The following PRCC variants were observed in gnomAD, a reference collection of about 807,000 sequenced individuals.
The protein encoded by PRCC is proline rich mitotic checkpoint control factor.
PRCC carries 10 observed loss-of-function variants against 44.0 expected under a neutral mutation model. The ratio of observed to expected loss-of-function variants is 0.23; its 90% CI spans 0.14 to 0.39. PRCC has a LOEUF of 0.39. Among genes scored for constraint, PRCC ranks in the 10% least tolerant of loss-of-function variants. The pLI, the probability that PRCC is intolerant of heterozygous loss-of-function variation, is 1.00. For synonymous variants in PRCC, 278 were observed against 259.5 expected, an observed-to-expected ratio of 1.07 and a Z score of -0.69; for missense variants, 573 against 624.7, an observed-to-expected ratio of 0.92 and a Z score of 0.88.
intron 1 of PRCC, among the ~76,000 whole-genome samples, chr1:156,768,711 CTATT>C (rs1330153413): frequency 3.3e-5 from 5 of 152,140 alleles, no homozygotes; most frequent in Non-Finnish European, 7.4e-5. Flanking sequence ...ATCTTGGTTT[CTATT>C]TTTGAGGGGA....
rs1652249425 is a variant in PRCC, at chr1:156,786,522, C to G, written c.517-86C>G. The G allele has an allele frequency of 1.0e-5, 14 of 1,365,312 alleles. No individual in the cohort carries two copies. In the East Asian group the frequency reaches 3.2e-4, roughly 32 times the overall value. The allele number at this position is 1,365,312 out of a possible 1,614,324, so 84.6% of individuals were successfully genotyped here. A position where few individuals can be genotyped will look rare whatever the true frequency, so the allele number is the denominator to read the frequency against. On this transcript the variant is annotated intron_variant, in intron 2 of 6. Coordinates refer to ENST00000271526, the MANE Select transcript of PRCC (RefSeq NM_005973.5). ...TAAGATTTTAGGCTAGAGAACTTAT[C>G]TGTAACTGTTGTTTTTGGTGTTGCT...
In PRCC at chr1:156,782,333, A is replaced by G. The variant is rs1049510645; in HGVS notation, c.516+4A>G. The stretch of plus-strand genomic sequence containing the variant: ...AAAGAAGAAAACTATCCTTCAGGTA[A>G]GCATTGTGATATAAACCATTTTTTT... On this transcript the variant is annotated splice_donor_region_variant and intron_variant, in intron 2 of 6. Transcript: ENST00000271526. 1.2e-6 allele frequency: 2 copies of G among 1,603,260 alleles called. No homozygotes were observed. The highest frequency in any genetic ancestry group is 2.7e-5 in the African/African-American group (2 of 74,886).
chr1:156,797,073 T>C (rs1360468245), intron 5 of PRCC: 1 of 563,316 alleles, frequency 1.8e-6, no homozygotes, highest in East Asian at 3.1e-5. Flanking sequence ...CAGGCAAGTG[T>C]TCTGAGCTGG....
chr1:156,791,749 C>G lies in PRCC; in HGVS notation c.1136C>G (p.Pro379Arg), dbSNP rs146298751. The G allele has an allele frequency of 5.2e-5, 84 of 1,613,850 alleles. No homozygotes were observed. Among genetic ancestry groups the G allele is most frequent in the Admixed American group, 8.3e-5 (5 of 59,960 alleles). Residue 379 changes from proline (P) to arginine (R), a missense_variant, in exon 4 of 7, where the codon CCC (proline) becomes CGC (arginine). Around this residue, in one of 4 missense-constraint regions of PRCC, gnomAD observed 141 missense variants for 130.2 expected, o/e 1.08. Transcript: ENST00000271526. ...GCACAGGACCCGGCCCTGGTCCCCCCCCAGGAAATTGCCCCAGATGCCTCC... is the reference window on the plus strand; with the variant it reads ...GCACAGGACCCGGCCCTGGTCCCCCGCCAGGAAATTGCCCCAGATGCCTCC... Reference protein sequence around the residue: ...YPAQDPALVPPQEIAPDASFI... With the variant: ...YPAQDPALVPRQEIAPDASFI...
intron 3 of PRCC, among the ~76,000 whole-genome samples, chr1:156,789,748 TCAGAG>T (rs1553253493): frequency 6.6e-6 from 1 of 152,206 alleles, no homozygotes; most frequent in Non-Finnish European, 1.5e-5. Flanking sequence ...AAATGGGATA[TCAGAG>T]CAACTCAAAG....
intron 2 of PRCC, among the ~76,000 whole-genome samples, chr1:156,786,292 T>G (rs1356039511): frequency 6.6e-6 from 1 of 151,878 alleles, no homozygotes; most frequent in Non-Finnish European, 1.5e-5. Context: ...CGATGTGAGG[T>G]TAAGAGCATC....
At chr1:156,778,102 A>G (rs1481503462) in intron 1 of PRCC, among the ~76,000 whole-genome samples, 2 of 152,176 alleles carry the variant, frequency 1.3e-5, no homozygotes, top group East Asian at 3.8e-4. Flanking sequence ...ATAATACACT[A>G]TTATTAACTA....
intron 1 of PRCC, among the ~76,000 whole-genome samples, chr1:156,775,788 C>T (rs1322872158): frequency 3.3e-5 from 5 of 152,092 alleles, no homozygotes; most frequent in East Asian, 1.9e-4. Flanking sequence ...GGATCACAGG[C>T]GTGAGCCACC....
intron 2 of PRCC, among the ~76,000 whole-genome samples, chr1:156,784,111 T>A (rs1193754634): frequency 6.6e-6 from 1 of 152,094 alleles, no homozygotes; most frequent in Admixed American, 6.6e-5. Flanking sequence ...CACACCCGGC[T>A]AATTTTTTTG....
intron 1 of PRCC, among the ~76,000 whole-genome samples, chr1:156,781,564 T>C (rs919925401): frequency 2.0e-5 from 3 of 152,228 alleles, no homozygotes; most frequent in Non-Finnish European, 4.4e-5. Flanking sequence ...GGAACTGAGA[T>C]AGAGCTAAAA....
chr1:156,782,061 A>C (rs746672853), intron 1 of PRCC, among the ~76,000 whole-genome samples: 3 of 152,220 alleles, frequency 2.0e-5, no homozygotes, highest in Non-Finnish European at 4.4e-5. Flanking sequence ...GAATTGAGTA[A>C]TCAAGGGAGG....
chr1:156,784,518 C>CA (rs1233698379), intron 2 of PRCC, among the ~76,000 whole-genome samples: 3 of 152,212 alleles, frequency 2.0e-5, no homozygotes, highest in Admixed American at 6.5e-5. Context: ...TGTGACAAGT[C>CA]AGACACTTCA....
In PRCC at chr1:156,794,665, T is replaced by C; in HGVS notation, c.1180T>C (p.Phe394Leu). 1 of 1,614,082 alleles carries C rather than the reference T, an allele frequency of 6.2e-7. No individual in the cohort carries two copies. Among genetic ancestry groups the C allele is most frequent in the Non-Finnish European group, 8.5e-7 (1 of 1,179,998 alleles). The change falls in exon 5 of 7, where the codon TTT becomes CTT. Residue 394 changes from phenylalanine (F) to leucine (L), a missense_variant and splice_region_variant. Physicochemically the swap from Phe to Leu is conservative, Grantham distance 22 (BLOSUM62 0). Transcript: ENST00000271526. ...ACTCCTGCATTTTTTTCTTTTCCAG[T>C]TTAAGCGGCTGCAGGGCAAGAGGAA... is the stretch of plus-strand genomic sequence containing the variant. ...PDASFIDDEA[F>L]KRLQGKRNRG...
At chr1:156,784,762 A>C (rs1652174317) in intron 2 of PRCC, among the ~76,000 whole-genome samples, 1 of 152,242 alleles carries the variant, frequency 6.6e-6, no homozygotes, top group Admixed American at 6.5e-5. Context: ...CAGTGACCTT[A>C]TTCCATTCTC....
At chr1:156,795,280 CTGG>C (rs1652621111) in intron 5 of PRCC, among the ~76,000 whole-genome samples, 6 of 57,158 alleles carry the variant, frequency 1.0e-4, no homozygotes, top group South Asian at 6.5e-4. Flanking sequence ...TTTTCATTTT[CTGG>C]TGTTTTTTTT....
intron 6 of PRCC, among the ~76,000 whole-genome samples, chr1:156,798,045 A>C (rs1038602019): frequency 6.6e-6 from 1 of 150,842 alleles, no homozygotes; most frequent in African/African-American, 2.4e-5. Flanking sequence ...CTGGGCTCAA[A>C]TGATCCTCCT....
chr1:156,782,164 G>A (rs1472750648), intron 1 of PRCC, 118 bp from the exon 2 acceptor site: 1 of 853,290 alleles, frequency 1.2e-6, no homozygotes, highest in African/African-American at 1.7e-5. Context: ...CCTCTGTACA[G>A]AGGTGGGGCA....
intron 5 of PRCC, chr1:156,796,058 T>G (rs1416248791): frequency 6.6e-6 from 1 of 152,230 alleles, no homozygotes; most frequent in Admixed American, 6.5e-5. Flanking sequence ...AGCAAAGGAC[T>G]GTGGTTAGAT....
chr1:156,771,534 A>G (rs1651633106), intron 1 of PRCC, among the ~76,000 whole-genome samples: 1 of 152,120 alleles, frequency 6.6e-6, no homozygotes, highest in Non-Finnish European at 1.5e-5. Flanking sequence ...TAAGGAGAGG[A>G]TTCAAGATTG....
Sources: allele counts gnomAD v4.1 joint callset (sites outside exome capture counted in the v4.1 genomes callset), GRCh38; gene constraint gnomAD v4.1.1; regional missense constraint gnomAD v4.1.1; transcripts MANE v1.5; gene names NCBI Gene and HGNC (gene_info 2026-07-23, HGNC 2026-07-21).